The following USP42 variants were observed in gnomAD, a reference collection of about 807,000 sequenced individuals.
USP42 encodes ubiquitin specific peptidase 42.
USP42 carries 23 observed loss-of-function variants against 113.0 expected under a neutral mutation model. That is an observed-to-expected ratio of 0.20 (90% CI 0.15 to 0.29). The LOEUF is 0.29. USP42 is among the 10% of genes least tolerant of loss of function. The pLI, the probability that USP42 is intolerant of heterozygous loss-of-function variation, is 1.00. For synonymous variants in USP42, 933 were observed against 699.0 expected, an observed-to-expected ratio of 1.33 and a Z score of -5.28; for missense variants, 2,174 against 1,779.8, an observed-to-expected ratio of 1.22 and a Z score of -3.99.
chr7:6,087,340 C>CTTTTTTTTTTTTT, the USP42 span, among the ~76,000 whole-genome samples: 1 of 116,506 alleles, frequency 8.6e-6, no homozygotes, highest in Admixed American at 9.7e-5. Flanking sequence ...CTAAGCGCTT[C>CTTTTTTTTTTTTT]TTTTTTTTTT....
rs1440697896 is a variant in USP42, at chr7:6,140,972, A to G, written c.783A>G (p.Thr261=). 2.0e-6 allele frequency: 3 copies of G among 1,525,182 alleles called. No individual in the cohort carries two copies. The highest frequency in any genetic ancestry group is 8.9e-7 in the Non-Finnish European group (1 of 1,121,016). 94.5% of individuals were successfully genotyped at this position (1,525,182 alleles called of 1,614,324 possible). Reference sequence around the variant, plus strand: ...CTTTTGATCCATATCTTGATATAACATTGGAGATAAAGGTAAATTTCATAA... The same window carrying G: ...CTTTTGATCCATATCTTGATATAACGTTGGAGATAAAGGTAAATTTCATAA... ...SDTFDPYLDI[T]LEIKAAQSVN... The change falls in exon 7 of 18, where the codon ACA becomes ACG. Residue 261 remains threonine (T), a synonymous_variant. Coordinates refer to ENST00000306177, the MANE Select transcript of USP42 (RefSeq NM_032172.3).
chr7:6,128,630 T>A (rs1325546567), intron 3 of USP42, among the ~76,000 whole-genome samples: 2 of 152,168 alleles, frequency 1.3e-5, no homozygotes, highest in African/African-American at 2.4e-5. Context: ...TCACCCTCAT[T>A]TATTTAGAAC....
At chr7:6,137,782 C>T (rs1460435944) in intron 4 of USP42, among the ~76,000 whole-genome samples, 1 of 152,110 alleles carries the variant, frequency 6.6e-6, no homozygotes. Flanking sequence ...CGGATTCCAG[C>T]GATTTCTCCT....
At chr7:6,085,065 T>G in the USP42 span, 1 of 151,148 alleles carries the variant, frequency 6.6e-6, no homozygotes, top group Non-Finnish European at 1.5e-5. Flanking sequence ...CTCCCTGGCA[T>G]GAACGACTGT....
chr7:6,152,442 TG>T (rs1401537737), intron 14 of USP42, among the ~76,000 whole-genome samples: 1 of 152,208 alleles, frequency 6.6e-6, no homozygotes. Flanking sequence ...CACTCACCTG[TG>T]GGGGTGCTGT....
the USP42 span, among the ~76,000 whole-genome samples, chr7:6,098,202 C>T: frequency 6.6e-6 from 1 of 150,412 alleles, no homozygotes; most frequent in South Asian, 2.1e-4. Context: ...CGCGCCCAGC[C>T]CATGTAGCTT....
intron 1 of USP42, among the ~76,000 whole-genome samples, chr7:6,107,550 C>T (rs190267270): frequency 2.0e-5 from 3 of 152,016 alleles, no homozygotes; most frequent in Non-Finnish European, 4.4e-5. Context: ...GCTGGGATTA[C>T]AGGCATGCGC....
At chr7:6,149,029 T>G (rs1781879162) in intron 12 of USP42, among the ~76,000 whole-genome samples, 1 of 152,192 alleles carries the variant, frequency 6.6e-6, no homozygotes, top group South Asian at 2.1e-4. Context: ...GTTAACTGAC[T>G]TTCACGCCTG....
intron 3 of USP42, among the ~76,000 whole-genome samples, chr7:6,119,661 A>T: frequency 6.6e-6 from 1 of 152,160 alleles, no homozygotes; most frequent in East Asian, 1.9e-4. Flanking sequence ...ACTCACAAGC[A>T]AGGTATACCT....
intron 11 of USP42, 89 bp downstream of exon 11, chr7:6,146,337 TAA>T (rs75745239): frequency 2.1e-3 from 1,271 of 619,150 alleles, no homozygotes; most frequent in Middle Eastern, 2.5e-3. Flanking sequence ...TTCAGTGTTT[TAA>T]AAAAAAAAAA....
intron 6 of USP42, among the ~76,000 whole-genome samples, chr7:6,140,552 T>C (rs1391578150): frequency 2.6e-5 from 4 of 152,262 alleles, no homozygotes; most frequent in African/African-American, 9.6e-5. Flanking sequence ...TTTGTTGTTG[T>C]TCATGGAGCA....
At chr7:6,112,855 G>T (rs1202095374) in intron 2 of USP42, among the ~76,000 whole-genome samples, 4 of 150,990 alleles carry the variant, frequency 2.6e-5, no homozygotes, top group African/African-American at 9.8e-5. Flanking sequence ...CCCTGGCTTC[G>T]AGTAGTTTGA....
Position 6,149,939 on chromosome 7 carries a change from G to A in USP42, c.1743G>A (p.Pro581=), listed in dbSNP as rs374369760. The A allele has an allele frequency of 5.5e-5, 88 of 1,613,824 alleles. No individual in the cohort carries two copies. The highest frequency in any genetic ancestry group is 6.9e-5 in the Non-Finnish European group (82 of 1,179,898). ...TMSVSSKVTK[P]IPRSESCSQP... is the part of the protein sequence containing the mutation. ...CAGTTTCTAGTAAAGTAACAAAACC[G>A]ATCCCCCGCAGTGAATCCTGCTCCC... is the stretch of plus-strand genomic sequence containing the variant. The change falls in exon 13 of 18, where the codon CCG becomes CCA. Residue 581 remains proline, a synonymous_variant. Coordinates refer to ENST00000306177, the MANE Select transcript of USP42 (RefSeq NM_032172.3).
intron 1 of USP42, among the ~76,000 whole-genome samples, chr7:6,109,385 C>G (rs915224285): frequency 2.0e-5 from 3 of 151,982 alleles, no homozygotes; most frequent in African/African-American, 7.3e-5. Context: ...GGTGTTCTTT[C>G]TTCCTTTCCT....
the USP42 span, among the ~76,000 whole-genome samples, chr7:6,082,617 T>TG: frequency 1.8e-5 from 2 of 113,832 alleles, no homozygotes; most frequent in African/African-American, 6.4e-5. Context: ...TTTTTTTTTT[T>TG]TTTTTTTTTT....
the USP42 span, among the ~76,000 whole-genome samples, chr7:6,096,021 C>G: frequency 1.3e-5 from 2 of 150,926 alleles, no homozygotes; most frequent in African/African-American, 5.0e-5. Flanking sequence ...CCCAGCTTCC[C>G]AAGCATTGGG....
intron 1 of USP42, among the ~76,000 whole-genome samples, chr7:6,108,147 A>G (rs1046071951): frequency 1.2e-4 from 18 of 152,206 alleles, no homozygotes; most frequent in Admixed American, 8.5e-4. Context: ...TGACAGCGCC[A>G]TTGCATTCCA....
chr7:6,122,366 C>G (rs1046830042), intron 3 of USP42, among the ~76,000 whole-genome samples: 1 of 151,550 alleles, frequency 6.6e-6, no homozygotes, highest in African/African-American at 2.4e-5. Flanking sequence ...GCTCACTGCA[C>G]CCTCAACCTT....
rs1779868339 is a variant in USP42 at position 6,115,618 on chromosome 7, C to G, written c.442+95C>G. The stretch of plus-strand genomic sequence containing the variant: ...AAAGTGAAGAATTAATCCAAGAGTG[C>G]TATGATTACTAAGAAGTTGGTTTAT... On this transcript the variant is annotated intron_variant, in intron 3 of 17. Transcript: ENST00000306177. The G allele has an allele frequency of 2.9e-6, 4 of 1,397,956 alleles. No homozygotes were observed. The Admixed American group carries it at 8.2e-5, about 29-fold the overall frequency. 86.6% of individuals were successfully genotyped at this position (1,397,956 alleles called of 1,614,324 possible).
Sources: allele counts gnomAD v4.1 joint callset (sites outside exome capture counted in the v4.1 genomes callset), GRCh38; gene constraint gnomAD v4.1.1; transcripts MANE v1.5; gene names NCBI Gene and HGNC (gene_info 2026-07-23, HGNC 2026-07-21).